KCNIP4: variants seen among roughly 807,000 people sequenced by gnomAD.
The protein encoded by KCNIP4 is Kv channel-interacting protein 4.
Under a neutral mutation model 34.0 loss-of-function variants are expected in KCNIP4, and 12 were observed. The observed-to-expected ratio is 0.35, with a 90% CI of 0.23 to 0.57. The LOEUF (loss-of-function observed/expected upper bound fraction) is 0.57. KCNIP4 is among the 20% of genes least tolerant of loss of function. KCNIP4 has a pLI of 0.83. For missense variants in KCNIP4, 238 were observed against 311.7 expected (o/e 0.76, Z 1.78); for synonymous variants, 124 against 102.2 (o/e 1.21, Z -1.29).
chr4:20,760,110 T>A (rs1754826244), intron 3 of KCNIP4, among the ~76,000 whole-genome samples: 1 of 152,162 alleles, frequency 6.6e-6, no homozygotes, highest in African/African-American at 2.4e-5. Flanking sequence ...CCAACTAGTG[T>A]TGTTCAAGAG....
chr4:21,060,074 T>C (rs1743779974), intron 1 of KCNIP4, among the ~76,000 whole-genome samples: 1 of 152,250 alleles, frequency 6.6e-6, no homozygotes, highest in Non-Finnish European at 1.5e-5. Flanking sequence ...ATGATAAAAA[T>C]TTTGTTTCAT....
intron 3 of KCNIP4, among the ~76,000 whole-genome samples, chr4:20,817,724 G>T (rs1716595968): frequency 1.3e-5 from 2 of 148,314 alleles, no homozygotes; most frequent in African/African-American, 2.5e-5. Flanking sequence ...CTTACTGAGT[G>T]ACTGAATAAA....
intron 1 of KCNIP4, among the ~76,000 whole-genome samples, chr4:21,904,992 T>G (rs185496733): frequency 6.6e-6 from 1 of 152,304 alleles, no homozygotes; most frequent in Admixed American, 6.5e-5. Context: ...GATTAATTTT[T>G]ACCCAGGTAT....
intron 1 of KCNIP4, among the ~76,000 whole-genome samples, chr4:21,051,638 T>C (rs1742941226): frequency 2.0e-5 from 3 of 152,172 alleles, no homozygotes; most frequent in African/African-American, 7.2e-5. Flanking sequence ...CAACTCATTC[T>C]TTATATTTTG....
intron 1 of KCNIP4, among the ~76,000 whole-genome samples, chr4:21,301,627 G>C (rs530870606): frequency 6.6e-6 from 1 of 152,266 alleles, no homozygotes; most frequent in South Asian, 2.1e-4. Flanking sequence ...ATGAGCATCA[G>C]TACTTTTTTT....
At chr4:21,080,617 T>C (rs1037955830) in intron 1 of KCNIP4, among the ~76,000 whole-genome samples, 2 of 151,916 alleles carry the variant, frequency 1.3e-5, no homozygotes, top group Non-Finnish European at 2.9e-5. Context: ...TTTTATAGCA[T>C]GTGATATTTT....
intron 1 of KCNIP4, among the ~76,000 whole-genome samples, chr4:21,485,806 T>C (rs534206690): frequency 6.6e-6 from 1 of 152,300 alleles, no homozygotes; most frequent in African/African-American, 2.4e-5. Context: ...AAAGCAAGGA[T>C]TGAGTTTGGC....
At chr4:21,211,680 A>C (rs946953501) in intron 1 of KCNIP4, among the ~76,000 whole-genome samples, 8 of 152,132 alleles carry the variant, frequency 5.3e-5, no homozygotes, top group Non-Finnish European at 1.0e-4. Flanking sequence ...AAAACATAGT[A>C]GTTTATGCTG....
At chr4:20,738,968 A>T (rs1464759929) in intron 5 of KCNIP4, among the ~76,000 whole-genome samples, 2 of 152,122 alleles carry the variant, frequency 1.3e-5, no homozygotes, top group Non-Finnish European at 1.5e-5. Context: ...AGTGGCCCAC[A>T]CCCACAGAGC....
intron 1 of KCNIP4, among the ~76,000 whole-genome samples, chr4:21,454,502 G>C (rs1051606877): frequency 6.6e-6 from 1 of 152,074 alleles, no homozygotes; most frequent in Non-Finnish European, 1.5e-5. Context: ...CTTGACTCCA[G>C]GGTAAAATGC....
chr4:21,754,259 C>G (rs1359396769), intron 1 of KCNIP4, among the ~76,000 whole-genome samples: 18 of 152,108 alleles, frequency 1.2e-4, no homozygotes, highest in Non-Finnish European at 5.9e-5. Context: ...CTCCAACTAC[C>G]ACCACTCCAC....
intron 2 of KCNIP4, among the ~76,000 whole-genome samples, chr4:20,862,023 C>T (rs2149495884): frequency 6.8e-6 from 1 of 146,656 alleles, no homozygotes; most frequent in South Asian, 2.2e-4. Flanking sequence ...TGGAGTCTTA[C>T]TCTGTCACCC....
rs1560403789 is a variant in KCNIP4, at chr4:20,731,914, A to G, written c.705+92T>C. 16 of 1,550,596 alleles carry G rather than the reference A, an allele frequency of 1.0e-5. 1 individual carries two copies. The South Asian group carries it at 1.7e-4, about 16-fold the overall frequency. ...TGGTAAACTTAGGCATATGATCTCT[A>G]TATTTCGCCCAGTTCATGGTAGCTA... is the stretch of plus-strand genomic sequence containing the variant. On this transcript the variant is annotated intron_variant, in intron 8 of 8. Coordinates refer to ENST00000382152, the MANE Select transcript of KCNIP4 (RefSeq NM_025221.6).
At chr4:21,889,243 A>C (rs1726952180) in intron 1 of KCNIP4, among the ~76,000 whole-genome samples, 1 of 152,146 alleles carries the variant, frequency 6.6e-6, no homozygotes, top group Non-Finnish European at 1.5e-5. Context: ...AAAATTATTT[A>C]AAATATTGTA....
chr4:21,574,837 C>G (rs1012668463), intron 1 of KCNIP4, among the ~76,000 whole-genome samples: 1 of 152,144 alleles, frequency 6.6e-6, no homozygotes, highest in Non-Finnish European at 1.5e-5. Context: ...TTTCAACATT[C>G]CCAGTATTTC....
rs138542409 is a variant in KCNIP4, at chr4:21,066,273, A to G, written c.62-183564T>C. ...CAGTTTCAGTATTCCTTTTAGGGCT[A>G]AGGAAAATAATTCTCAGAAGAAGGC... On this transcript the variant is annotated intron_variant, in intron 1 of 8. Transcript: ENST00000382152. Among the ~76,000 whole-genome samples, 114 of 152,236 alleles carry G rather than the reference A, an allele frequency of 7.5e-4. 1 individual carries two copies. Among genetic ancestry groups the G allele is most frequent in the African/African-American group, 2.6e-3 (107 of 41,536 alleles).
intron 1 of KCNIP4, among the ~76,000 whole-genome samples, chr4:21,254,496 C>T (rs962602570): frequency 1.3e-5 from 2 of 152,206 alleles, no homozygotes; most frequent in Admixed American, 6.5e-5. Context: ...CATTTAAAAT[C>T]ATTCCTCCAA....
chr4:20,882,565 CAA>C (rs760881197), intron 2 of KCNIP4, 41 bp downstream of exon 2: 21 of 1,415,506 alleles, frequency 1.5e-5, no homozygotes, highest in Non-Finnish European at 2.0e-5. Context: ...AGAAACGAAA[CAA>C]GAGTTTCGGA....
At chr4:21,872,268 G>A (rs190783921) in intron 1 of KCNIP4, among the ~76,000 whole-genome samples, 5 of 152,202 alleles carry the variant, frequency 3.3e-5, no homozygotes, top group Non-Finnish European at 7.4e-5. Flanking sequence ...CTTTCTCACA[G>A]GCCCCCTGAG....
Sources: gnomAD v4.1 joint callset for allele counts (sites outside exome capture counted in the v4.1 genomes callset) on GRCh38, gnomAD v4.1.1 for gene constraint, MANE v1.5 for transcripts, NCBI Gene and HGNC (gene_info 2026-07-23, HGNC 2026-07-21) for gene names.